Variants in TJP3 observed in about 807,000 individuals in gnomAD.
The protein encoded by TJP3 is tight junction protein ZO-3.
Under a neutral mutation model 104.2 loss-of-function variants are expected in TJP3, and 85 were observed. The ratio of observed to expected loss-of-function variants is 0.82; its 90% CI spans 0.68 to 0.98. The LOEUF (loss-of-function observed/expected upper bound fraction) is 0.98, where lower values mean the gene tolerates loss of function less well. Among genes scored for constraint, TJP3 ranks in the 50% least tolerant of loss-of-function variants. The probability of loss-of-function intolerance (pLI) is 0.00; values close to 1 mark genes in which losing one functional copy is unlikely to be tolerated. For missense variants in TJP3, 1,367 were observed against 1,322.8 expected, an observed-to-expected ratio of 1.03 and a Z score of -0.52; for synonymous variants, 550 against 550.6, an observed-to-expected ratio of 1.00 and a Z score of 0.02.
At chr19:3,727,775 T>C (rs1270330864) in intron 1 of TJP3, among the ~76,000 whole-genome samples, 2 of 151,632 alleles carry the variant, frequency 1.3e-5, no homozygotes, top group African/African-American at 2.4e-5. Flanking sequence ...TGGGCACCTG[T>C]AGGTGCCCAG....
chr19:3,741,636 A>G (rs2036822140), intron 14 of TJP3, among the ~76,000 whole-genome samples: 1 of 147,778 alleles, frequency 6.8e-6, no homozygotes, highest in Non-Finnish European at 1.5e-5. Context: ...AAAAGAAAAA[A>G]AAAAAAAAGC....
chr19:3,739,296 C>G (rs943650640), intron 13 of TJP3, among the ~76,000 whole-genome samples, 162 bp downstream of exon 13: 2 of 152,194 alleles, frequency 1.3e-5, no homozygotes, highest in East Asian at 1.9e-4. Flanking sequence ...TCGAGACCAT[C>G]CTGGGCAACA....
chr19:3,724,280 C>T (rs1048212314), intron 1 of TJP3, among the ~76,000 whole-genome samples: 11 of 151,842 alleles, frequency 7.2e-5, no homozygotes, highest in Non-Finnish European at 8.8e-5. Context: ...ACTGCAAGCT[C>T]CGCCTCCCAG....
chr19:3,741,741 G>A (rs2036824557), intron 14 of TJP3, among the ~76,000 whole-genome samples: 1 of 149,880 alleles, frequency 6.7e-6, no homozygotes, highest in African/African-American at 2.5e-5. Flanking sequence ...GGCTGAGGCA[G>A]GTGGATCACC....
In TJP3 at chr19:3,708,431, G is replaced by A. The variant is rs1292807852; in HGVS notation, c.-140G>A. 1 of 152,202 alleles carries A rather than the reference G, an allele frequency of 6.6e-6. No homozygotes were observed. Among genetic ancestry groups the A allele is most frequent in the African/African-American group, 2.4e-5 (1 of 41,456 alleles). 9.4% of individuals were successfully genotyped at this position (152,202 alleles called of 1,614,324 possible). The stretch of plus-strand genomic sequence containing the variant: ...CCTCCCTGTTGCCACCACAAGAGAG[G>A]AAAAGTTGGTCAAACAGGTGGGGAG... On this transcript the variant is annotated 5_prime_UTR_variant, in exon 1 of 21. Transcript: ENST00000541714.
intron 14 of TJP3, 123 bp from the exon 15 acceptor site, chr19:3,743,816 G>A: frequency 2.4e-6 from 2 of 830,262 alleles, no homozygotes; most frequent in Non-Finnish European, 3.9e-6. Flanking sequence ...ATTTGGCTGG[G>A]TAGCTATGGT....
chr19:3,746,924 T>G lies in TJP3; in HGVS notation c.2322+48T>G, dbSNP rs954424875. 2.6e-6 allele frequency: 4 copies of G among 1,532,116 alleles called. No homozygotes were observed. Among genetic ancestry groups the G allele is most frequent in the Non-Finnish European group, 3.5e-6 (4 of 1,128,638 alleles). 94.9% of individuals were successfully genotyped at this position (1,532,116 alleles called of 1,614,324 possible). Reference sequence around the variant, plus strand: ...TCGGGCAGGGAGGCCCCACAGACGCTGTGCAGGCCCAGCTGGGGTTTGGGG... The same window carrying G: ...TCGGGCAGGGAGGCCCCACAGACGCGGTGCAGGCCCAGCTGGGGTTTGGGG... On this transcript the variant is annotated intron_variant, in intron 18 of 20. Coordinates refer to ENST00000541714, the MANE Select transcript of TJP3 (RefSeq NM_001267560.2). The surrounding 1 kb of genome is among the most constrained non-coding windows in gnomAD (Gnocchi z 4.1).
At chr19:3,734,281 C>T (rs1444719469) in intron 7 of TJP3, 46 bp from the exon 8 acceptor site, 32 of 1,597,004 alleles carry the variant, frequency 2.0e-5, no homozygotes, top group Middle Eastern at 3.3e-4. Context: ...TGGGTCCAGT[C>T]CAGAAGGCGT....
chr19:3,723,849 A>T (rs1239493542), intron 1 of TJP3, among the ~76,000 whole-genome samples: 3 of 150,366 alleles, frequency 2.0e-5, no homozygotes, highest in African/African-American at 7.3e-5. Flanking sequence ...AATAGGCAGG[A>T]GTGATAGGGG....
chr19:3,715,751 C>T (rs1320423705), intron 1 of TJP3, among the ~76,000 whole-genome samples: 1 of 152,092 alleles, frequency 6.6e-6, no homozygotes, highest in Non-Finnish European at 1.5e-5. Context: ...CCAGGAGAAC[C>T]TTCCAGGTTT....
rs1251554829 is a variant in TJP3, at chr19:3,750,714, T to C, written c.*30T>C. The C allele has an allele frequency of 1.6e-5, 24 of 1,541,670 alleles. No homozygotes were observed. The highest frequency in any genetic ancestry group is 2.1e-5 in the Non-Finnish European group (24 of 1,131,780). ...TCGAAGGCTGCCAGCTGGTCCGTCC[T>C]CCTTCTCCCTCCCTGGGGCTGGGAC... On this transcript the variant is annotated 3_prime_UTR_variant, in exon 21 of 21. Coordinates refer to ENST00000541714, the MANE Select transcript of TJP3 (RefSeq NM_001267560.2).
chr19:3,738,893 C>T lies in TJP3; in HGVS notation c.1394-4C>T. 1 of 1,581,580 alleles carries T rather than the reference C, an allele frequency of 6.3e-7. No homozygotes were observed. The highest frequency in any genetic ancestry group is 8.6e-7 in the Non-Finnish European group (1 of 1,158,392). Reference sequence around the variant, plus strand: ...CAGCTCATGTGGCCTCCCGCTCTCCCCAGTTTTCTGGAAAATGGTGCAGTC... The same window carrying T: ...CAGCTCATGTGGCCTCCCGCTCTCCTCAGTTTTCTGGAAAATGGTGCAGTC... On this transcript the variant is annotated splice_polypyrimidine_tract_variant and splice_region_variant and intron_variant, in intron 12 of 20. Coordinates refer to ENST00000541714, the MANE Select transcript of TJP3 (RefSeq NM_001267560.2).
At chr19:3,719,131 C>T (rs2036518830) in intron 1 of TJP3, among the ~76,000 whole-genome samples, 1 of 151,984 alleles carries the variant, frequency 6.6e-6, no homozygotes, top group Non-Finnish European at 1.5e-5. Context: ...TTGCAGTGAG[C>T]CGAGACTGCG....
chr19:3,746,530 C>T lies in TJP3; in HGVS notation c.2056C>T (p.Leu686Phe), dbSNP rs1289574298. ...TGTGACCCCCTCCGCCATCGAGCGCCTCAACTATGTGCAGTACTACCCCAT... is the reference window on the plus strand; with the variant it reads ...TGTGACCCCCTCCGCCATCGAGCGCTTCAACTATGTGCAGTACTACCCCAT... ...LDVTPSAIER[L>F]NYVQYYPIVV... is the part of the protein sequence containing the mutation. The change falls in exon 17 of 21, where the codon CTC becomes TTC. Residue 686 changes from leucine (L) to phenylalanine (F), a missense_variant. By Grantham distance (22) the Leu-to-Phe change is conservative. Transcript: ENST00000541714. This position sits in a 1 kb window ranked among gnomAD's most constrained non-coding sequence, Gnocchi z 4.1. The T allele has an allele frequency of 6.2e-7, 1 of 1,614,100 alleles. No homozygotes were observed. Among genetic ancestry groups the T allele is most frequent in the South Asian group, 1.1e-5 (1 of 91,088 alleles).
intron 1 of TJP3, among the ~76,000 whole-genome samples, chr19:3,722,992 A>G (rs1176245068): frequency 2.0e-5 from 3 of 151,634 alleles, no homozygotes; most frequent in Non-Finnish European, 4.4e-5. Flanking sequence ...GGGCGGGGAC[A>G]AAGACCCAAG....
chr19:3,728,763 A>G, intron 3 of TJP3, 50 bp downstream of exon 3: 1 of 1,588,340 alleles, frequency 6.3e-7, no homozygotes, highest in South Asian at 1.1e-5. Flanking sequence ...CGTGGAGAGG[A>G]GAAACCAGGC....
chr19:3,716,801 A>ATATATATTTTT (rs1421328174), intron 1 of TJP3, among the ~76,000 whole-genome samples: 7 of 81,936 alleles, frequency 8.5e-5, no homozygotes, highest in African/African-American at 3.4e-4. Context: ...ATATATATAT[A>ATATATATTTTT]TTTTTTTTTT....
At chr19:3,717,957 T>C (rs1294764513) in intron 1 of TJP3, among the ~76,000 whole-genome samples, 2 of 147,582 alleles carry the variant, frequency 1.4e-5, no homozygotes, top group African/African-American at 5.0e-5. Context: ...GGCTCACGCC[T>C]ATAATCCCAG....
chr19:3,737,547 C>T (rs1029940173), intron 11 of TJP3, among the ~76,000 whole-genome samples: 1 of 152,086 alleles, frequency 6.6e-6, no homozygotes, highest in African/African-American at 2.4e-5. Flanking sequence ...ATCATCCCCC[C>T]ATCTCTGTCC....
Sources: gnomAD v4.1 joint callset for allele counts (sites outside exome capture counted in the v4.1 genomes callset) on GRCh38, gnomAD v4.1.1 for gene constraint, Gnocchi (gnomAD v3.1) non-coding constraint, MANE v1.5 for transcripts, NCBI Gene and HGNC (gene_info 2026-07-23, HGNC 2026-07-21) for gene names.